Variants in LIMA1 observed in about 807,000 individuals in gnomAD.
LIMA1 encodes the protein LIM domain and actin-binding protein 1.
In LIMA1, 52 loss-of-function variants were observed where a neutral mutation model predicts 62.6. That is an observed-to-expected ratio of 0.83 (90% CI 0.67 to 1.05). LIMA1 has a LOEUF of 1.05. Ranked by LOEUF, LIMA1 falls within the 50% of genes least tolerant of loss-of-function variation. The pLI, the probability that LIMA1 is intolerant of heterozygous loss-of-function variation, is 0.00. For missense variants in LIMA1, 780 were observed against 902.2 expected, an observed-to-expected ratio of 0.86 and a Z score of 1.74; for synonymous variants, 302 against 317.8, an observed-to-expected ratio of 0.95 and a Z score of 0.53.
intron 9 of LIMA1, chr12:50,188,063 T>G (rs1940670818): frequency 6.6e-6 from 1 of 152,208 alleles, no homozygotes; most frequent in Admixed American, 6.5e-5. Context: ...CCAAGTAAGC[T>G]CTGTGGCCAG....
chr12:50,232,856 G>A lies in LIMA1; in HGVS notation c.120-1146C>T, dbSNP rs960084735. ...ACAAAAATCAGCCAGGCATAGTGGC[G>A]CACACCTATAATCCCAGCTACTCGG... On this transcript the variant is annotated intron_variant, in intron 2 of 10. Coordinates refer to ENST00000341247, the MANE Select transcript of LIMA1 (RefSeq NM_016357.5). Among the ~76,000 whole-genome samples, 8 of 152,274 alleles carry A rather than the reference G, an allele frequency of 5.3e-5. No individual in the cohort carries two copies. In the East Asian group the frequency reaches 5.8e-4, roughly 11 times the overall value.
At chr12:50,233,512 T>C (rs1003890623) in intron 2 of LIMA1, among the ~76,000 whole-genome samples, 3 of 152,208 alleles carry the variant, frequency 2.0e-5, no homozygotes, top group Admixed American at 6.5e-5. Context: ...TTAAAAGTAT[T>C]TGATGGTACT....
chr12:50,211,331 CAAAA>C (rs34045758), intron 4 of LIMA1, among the ~76,000 whole-genome samples: 5 of 83,230 alleles, frequency 6.0e-5, no homozygotes, highest in Admixed American at 1.3e-4. Flanking sequence ...CCCACCCCCC[CAAAA>C]AAAAAAAAAA....
intron 1 of LIMA1, among the ~76,000 whole-genome samples, chr12:50,266,919 G>C (rs1374949651): frequency 6.6e-6 from 1 of 151,992 alleles, no homozygotes; most frequent in Non-Finnish European, 1.5e-5. Flanking sequence ...TTCTGAGACA[G>C]AGTCTCACTC....
intron 1 of LIMA1, among the ~76,000 whole-genome samples, chr12:50,270,604 C>CAAAA (rs150300834): frequency 7.0e-5 from 5 of 71,702 alleles, no homozygotes; most frequent in Admixed American, 1.9e-4. Flanking sequence ...GACCTTATCT[C>CAAAA]AAAAAAAAAA....
At chr12:50,198,146 A>C (rs1940969964) in intron 7 of LIMA1, among the ~76,000 whole-genome samples, 1 of 152,146 alleles carries the variant, frequency 6.6e-6, no homozygotes, top group Non-Finnish European at 1.5e-5. Context: ...TCAGTTTGAG[A>C]CCATTTTTCT....
chr12:50,192,890 T>C (rs1314150254), intron 8 of LIMA1, among the ~76,000 whole-genome samples: 1 of 152,250 alleles, frequency 6.6e-6, no homozygotes, highest in East Asian at 1.9e-4. Context: ...GATGTCTTTT[T>C]GGTCATTAAC....
intron 3 of LIMA1, among the ~76,000 whole-genome samples, chr12:50,229,381 T>C (rs1351938612): frequency 6.6e-6 from 1 of 152,178 alleles, no homozygotes; most frequent in Non-Finnish European, 1.5e-5. Context: ...GATGAGTTCA[T>C]GTCCTTTGCA....
At chr12:50,210,428 AAAAAAAAG>A (rs1555206224) in intron 4 of LIMA1, among the ~76,000 whole-genome samples, 1 of 150,742 alleles carries the variant, frequency 6.6e-6, no homozygotes, top group Non-Finnish European at 1.5e-5. Context: ...CAAAAAAAAA[AAAAAAAAG>A]AAAAAAAGAA....
chr12:50,193,527 CATAT>C (rs1289213529), intron 8 of LIMA1, among the ~76,000 whole-genome samples: 1 of 113,924 alleles, frequency 8.8e-6, no homozygotes, highest in African/African-American at 3.6e-5. Flanking sequence ...TATATATACA[CATAT>C]ATGATATATA....
chr12:50,177,569 G>A lies in LIMA1; in HGVS notation c.1775C>T (p.Thr592Ile), dbSNP rs1013469392. Residue 592 changes from threonine to isoleucine, a missense_variant, in exon 11 of 11, where the codon ACT becomes ATT. Thr to Ile is a moderately conservative substitution (Grantham distance 89). Coordinates refer to ENST00000341247, the MANE Select transcript of LIMA1 (RefSeq NM_016357.5). ...GGTGCTTTGAAATGAAGCTGCTACA[G>A]TGAATGGGCGGCTTCTTTCCTTCAG... Reference protein sequence around the residue: ...SSLKERSRPFTVAASFQSTSV... With the variant: ...SSLKERSRPFIVAASFQSTSV... The A allele has an allele frequency of 6.2e-7, 1 of 1,611,848 alleles. No homozygotes were observed. Among genetic ancestry groups the A allele is most frequent in the Non-Finnish European group, 8.5e-7 (1 of 1,179,138 alleles).
intron 1 of LIMA1, among the ~76,000 whole-genome samples, chr12:50,253,892 G>C (rs748724008): frequency 1.3e-5 from 2 of 151,992 alleles, no homozygotes; most frequent in Non-Finnish European, 2.9e-5. Context: ...GCCAGGCATG[G>C]TGGCAGGCGC....
At chr12:50,261,933 G>A (rs1942078059) in intron 1 of LIMA1, among the ~76,000 whole-genome samples, 1 of 152,164 alleles carries the variant, frequency 6.6e-6, no homozygotes, top group Non-Finnish European at 1.5e-5. Context: ...AGGGATCCCA[G>A]GCATCTGAAA....
intron 4 of LIMA1, among the ~76,000 whole-genome samples, chr12:50,210,741 T>C (rs2138511741): frequency 6.6e-6 from 1 of 152,362 alleles, no homozygotes; most frequent in East Asian, 1.9e-4. Context: ...AACTGCTGGG[T>C]TAATTAAATA....
At chr12:50,254,057 A>G (rs983670367) in intron 1 of LIMA1, among the ~76,000 whole-genome samples, 4 of 150,400 alleles carry the variant, frequency 2.7e-5, no homozygotes, top group African/African-American at 4.9e-5. Context: ...AGAAAGGTAT[A>G]TTATCTCTCC....
intron 9 of LIMA1, chr12:50,185,621 T>C (rs1940613492): frequency 2.6e-6 from 1 of 389,440 alleles, no homozygotes. Flanking sequence ...GCCTCACTCG[T>C]ATCTACCTGA....
intron 1 of LIMA1, among the ~76,000 whole-genome samples, chr12:50,272,773 C>T (rs1034246262): frequency 2.0e-5 from 3 of 151,668 alleles, no homozygotes; most frequent in Admixed American, 6.6e-5. Context: ...TAGGGCCGGG[C>T]GTGGTGGTTC....
intron 4 of LIMA1, among the ~76,000 whole-genome samples, chr12:50,213,156 T>C (rs1941287103): frequency 6.6e-6 from 1 of 152,204 alleles, no homozygotes; most frequent in African/African-American, 2.4e-5. Context: ...CTAACTCCAG[T>C]GCTTTCATTC....
At chr12:50,274,387 C>T (rs1351075482) in intron 1 of LIMA1, among the ~76,000 whole-genome samples, 1 of 152,090 alleles carries the variant, frequency 6.6e-6, no homozygotes, top group Non-Finnish European at 1.5e-5. Flanking sequence ...AGATGCAGAC[C>T]ATCCTGGCCA....
Sources: allele counts gnomAD v4.1 joint callset (sites outside exome capture counted in the v4.1 genomes callset), GRCh38; gene constraint gnomAD v4.1.1; transcripts MANE v1.5; gene names NCBI Gene and HGNC (gene_info 2026-07-23, HGNC 2026-07-21).